Variants in CRYL1 observed in about 807,000 individuals in gnomAD.
CRYL1 encodes crystallin lambda 1, also known as lambda-crystallin homolog.
Under a neutral mutation model 36.6 loss-of-function variants are expected in CRYL1, and 29 were observed. The ratio of observed to expected loss-of-function variants is 0.79; its 90% CI spans 0.59 to 1.08. CRYL1 has a LOEUF of 1.08. Among genes scored for constraint, CRYL1 ranks in the 50% least tolerant of loss-of-function variants. The probability of loss-of-function intolerance (pLI) is 0.00; values close to 1 mark genes in which losing one functional copy is unlikely to be tolerated. For synonymous variants in CRYL1, 152 were observed against 151.5 expected (o/e 1.00, Z -0.02); for missense variants, 411 against 407.9 (o/e 1.01, Z -0.06).
intron 3 of CRYL1, among the ~76,000 whole-genome samples, chr13:20,465,121 A>G (rs975733025): frequency 2.0e-5 from 3 of 152,242 alleles, no homozygotes; most frequent in Admixed American, 6.5e-5. Context: ...AGTCCTGTAC[A>G]AGCACTGTAA....
intron 5 of CRYL1, among the ~76,000 whole-genome samples, chr13:20,429,120 C>T (rs1247681594): frequency 2.6e-5 from 4 of 152,204 alleles, no homozygotes; most frequent in African/African-American, 9.7e-5. Context: ...ACTCCGGCCA[C>T]ACATGGAACC....
chr13:20,437,508 C>T (rs4083643), intron 4 of CRYL1, among the ~76,000 whole-genome samples: 2 of 151,868 alleles, frequency 1.3e-5, no homozygotes, highest in East Asian at 1.9e-4. Flanking sequence ...GGGGTTTCAC[C>T]GTGTTAGCCA....
chr13:20,438,119 A>G (rs939327550), intron 4 of CRYL1, among the ~76,000 whole-genome samples: 28 of 152,078 alleles, frequency 1.8e-4, no homozygotes, highest in Non-Finnish European at 2.6e-4. Flanking sequence ...CAGCCTCCTT[A>G]TTTTATAACC....
At chr13:20,462,993 T>A (rs1483373513) in intron 3 of CRYL1, among the ~76,000 whole-genome samples, 1 of 152,192 alleles carries the variant, frequency 6.6e-6, no homozygotes, top group African/African-American at 2.4e-5. Context: ...ATACTTACCT[T>A]ATCCACATTT....
chr13:20,405,879 GACC>G (rs1236596774), intron 6 of CRYL1: 2 of 152,342 alleles, frequency 1.3e-5, no homozygotes, highest in African/African-American at 4.8e-5. Flanking sequence ...GGCCTGCCCC[GACC>G]CGCTGGGCCC....
At chr13:20,489,249 G>T in intron 3 of CRYL1, 121 bp downstream of exon 3, 7 of 1,202,284 alleles carry the variant, frequency 5.8e-6, no homozygotes, top group Non-Finnish European at 8.1e-6. Context: ...ACAAAATCCT[G>T]CCCTTGAAGA....
chr13:20,509,865 G>T (rs1045865544), intron 2 of CRYL1, among the ~76,000 whole-genome samples: 9 of 152,214 alleles, frequency 5.9e-5, no homozygotes, highest in Non-Finnish European at 1.2e-4. Context: ...GGGAGGCAGA[G>T]GTTGCAGTGA....
At chr13:20,470,914 AAAAAAAAAAAAAC>A (rs2033040848) in intron 3 of CRYL1, among the ~76,000 whole-genome samples, 1 of 150,242 alleles carries the variant, frequency 6.7e-6, no homozygotes, top group East Asian at 1.9e-4. Flanking sequence ...CCATCTCAAA[AAAAAAAAAAAAAC>A]AAAAAAAAAA....
chr13:20,474,928 C>T (rs1159981148), intron 3 of CRYL1, among the ~76,000 whole-genome samples: 1 of 152,138 alleles, frequency 6.6e-6, no homozygotes, highest in South Asian at 2.1e-4. Context: ...GGACAAGGCT[C>T]CCCTGCCTCA....
At chr13:20,444,419 G>A (rs1593448615) in intron 3 of CRYL1, among the ~76,000 whole-genome samples, 1 of 152,130 alleles carries the variant, frequency 6.6e-6, no homozygotes, top group South Asian at 2.1e-4. Flanking sequence ...TGGGGCTTAG[G>A]TGTTCCAGTT....
At chr13:20,440,921 C>T (rs1018151947) in intron 3 of CRYL1, among the ~76,000 whole-genome samples, 1 of 152,168 alleles carries the variant, frequency 6.6e-6, no homozygotes, top group African/African-American at 2.4e-5. Context: ...TTCAAACATC[C>T]AGCGCTGGTC....
At chr13:20,484,570 G>C (rs1471722304) in intron 3 of CRYL1, among the ~76,000 whole-genome samples, 3 of 152,144 alleles carry the variant, frequency 2.0e-5, no homozygotes, top group Non-Finnish European at 4.4e-5. Context: ...TAATTGGGAG[G>C]CTGAGGCACG....
Position 20,420,701 on chromosome 13 carries a change from T to TTTTTTTTTTTTTTTTTTTTTG in CRYL1, c.634-7315_634-7314insCAAAAAAAAAAAAAAAAAAAA. Among the ~76,000 whole-genome samples, 27 of 21,870 alleles carry TTTTTTTTTTTTTTTTTTTTTG rather than the reference T, an allele frequency of 1.2e-3. 3 individuals are homozygous for TTTTTTTTTTTTTTTTTTTTTG. The highest frequency in any genetic ancestry group is 2.5e-3 in the Non-Finnish European group (18 of 7,322). 14.3% of individuals were successfully genotyped at this position (21,870 alleles called of 152,430 possible). ...CTTTGACTTTTCTTTAAAATAGAGG[T>TTTTTTTTTTTTTTTTTTTTTG]TGTGTGTGTGTGTGTGTGTGTGTGT... is the stretch of plus-strand genomic sequence containing the variant. On this transcript the variant is annotated intron_variant, in intron 5 of 7. Coordinates refer to ENST00000298248, the MANE Select transcript of CRYL1 (RefSeq NM_015974.3).
intron 5 of CRYL1, among the ~76,000 whole-genome samples, chr13:20,422,870 C>T (rs766212362): frequency 1.3e-5 from 2 of 152,168 alleles, no homozygotes; most frequent in Admixed American, 6.5e-5. Context: ...TGTAGATCAC[C>T]TTGGGCAGTA....
chr13:20,430,490 C>T, intron 5 of CRYL1: 1 of 985,392 alleles, frequency 1.0e-6, no homozygotes, highest in South Asian at 4.7e-5. Context: ...TGAAGAGGGA[C>T]AACCAAAAGC....
intron 1 of CRYL1, chr13:20,515,586 A>C (rs1446557690): frequency 2.0e-5 from 3 of 152,048 alleles, no homozygotes; most frequent in Admixed American, 2.0e-4. Context: ...GCAGAGTCTT[A>C]GGCTTTTAAG....
chr13:20,503,163 T>A (rs958933212), intron 2 of CRYL1, among the ~76,000 whole-genome samples: 1 of 152,250 alleles, frequency 6.6e-6, no homozygotes, highest in Non-Finnish European at 1.5e-5. Context: ...GCTATTTTTA[T>A]TTGGGAAGAA....
chr13:20,479,632 T>C (rs2033236350), intron 3 of CRYL1, among the ~76,000 whole-genome samples: 1 of 152,202 alleles, frequency 6.6e-6, no homozygotes. Flanking sequence ...AAAGACACAC[T>C]ATCATTACAA....
intron 3 of CRYL1, among the ~76,000 whole-genome samples, chr13:20,471,916 A>G (rs1444546574): frequency 6.6e-6 from 1 of 150,758 alleles, no homozygotes; most frequent in Non-Finnish European, 1.5e-5. Context: ...TCTGGAATGC[A>G]GTGGCATGAT....
Sources: allele counts gnomAD v4.1 joint callset (sites outside exome capture counted in the v4.1 genomes callset), GRCh38; gene constraint gnomAD v4.1.1; transcripts MANE v1.5; gene names NCBI Gene and HGNC (gene_info 2026-07-23, HGNC 2026-07-21).